CCR3: variants seen among roughly 807,000 people sequenced by gnomAD.
CCR3 encodes the protein C-C chemokine receptor type 3.
For synonymous variants in CCR3, 203 were observed against 179.2 expected, an observed-to-expected ratio of 1.13 and a Z score of -1.06; for missense variants, 419 against 437.5, an observed-to-expected ratio of 0.96 and a Z score of 0.38.
intron 2 of CCR3, among the ~76,000 whole-genome samples, chr3:46,222,162 A>G (rs1400998582): frequency 6.6e-6 from 1 of 152,212 alleles, no homozygotes; most frequent in Non-Finnish European, 1.5e-5. Context: ...GCAGTGAGAC[A>G]GAGGAAGCAG....
At chr3:46,243,786 A>C (rs1029487396) in intron 1 of CCR3, among the ~76,000 whole-genome samples, 12 of 152,226 alleles carry the variant, frequency 7.9e-5, no homozygotes, top group African/African-American at 2.9e-4. Flanking sequence ...AGAAAAAAGC[A>C]GATCTGTACA....
intron 1 of CCR3, among the ~76,000 whole-genome samples, chr3:46,242,988 T>C (rs1700117834): frequency 8.7e-6 from 1 of 115,032 alleles, no homozygotes. Flanking sequence ...TACACATATA[T>C]ATATATATAT....
At chr3:46,248,348 T>C (rs1198451404) in intron 1 of CCR3, among the ~76,000 whole-genome samples, 1 of 152,178 alleles carries the variant, frequency 6.6e-6, no homozygotes, top group African/African-American at 2.4e-5. Flanking sequence ...GAGCATAGTT[T>C]GTGATTTTTA....
chr3:46,261,414 G>A (rs964817223), intron 1 of CCR3, among the ~76,000 whole-genome samples: 2 of 152,152 alleles, frequency 1.3e-5, no homozygotes, highest in Admixed American at 6.5e-5. Flanking sequence ...AAGAATATAC[G>A]ACAAAGGTGA....
intron 1 of CCR3, among the ~76,000 whole-genome samples, chr3:46,255,716 G>A (rs993551082): frequency 3.3e-5 from 5 of 151,948 alleles, no homozygotes; most frequent in African/African-American, 1.2e-4. Flanking sequence ...AAGTATTTGG[G>A]TTTATTTCTG....
Position 46,265,651 on chromosome 3 carries a change from G to T in CCR3, c.493G>T (p.Ala165Ser). The change falls in exon 2 of 2, where the codon GCT becomes TCT. Residue 165 changes from alanine to serine, a missense_variant. Physicochemically the swap from Ala to Ser is moderately conservative, Grantham distance 99. Coordinates refer to ENST00000395940, the MANE Select transcript of CCR3 (RefSeq NM_178329.3). ...IVTWGLAVLAALPEFIFYETE... is the reference protein window; with the variant it reads ...IVTWGLAVLASLPEFIFYETE... ...CACCTGGGGCCTGGCAGTGCTAGCA[G>T]CTCTTCCTGAATTTATCTTCTATGA... The T allele has an allele frequency of 6.2e-7, 1 of 1,614,146 alleles. No homozygotes were observed. Among genetic ancestry groups the T allele is most frequent in the Non-Finnish European group, 8.5e-7 (1 of 1,180,022 alleles).
At chr3:46,216,896 A>G (rs1294166551) in intron 2 of CCR3, among the ~76,000 whole-genome samples, 1 of 152,212 alleles carries the variant, frequency 6.6e-6, no homozygotes, top group Non-Finnish European at 1.5e-5. Context: ...CCAAAATAGA[A>G]CCTACTTAAA....
At chr3:46,262,672 T>A (rs532621320) in intron 1 of CCR3, among the ~76,000 whole-genome samples, 38 of 152,226 alleles carry the variant, frequency 2.5e-4, no homozygotes, top group South Asian at 1.5e-3. Context: ...TTATTTATTT[T>A]TTGAGATGGA....
chr3:46,213,984 G>A (rs1235953784), intron 2 of CCR3, among the ~76,000 whole-genome samples: 1 of 152,174 alleles, frequency 6.6e-6, no homozygotes, highest in Non-Finnish European at 1.5e-5. Flanking sequence ...TTTGGTCCTA[G>A]TTAGATCCAG....
intron 2 of CCR3, among the ~76,000 whole-genome samples, chr3:46,219,007 C>G (rs13062523): frequency 0.16 from 25,033 of 151,946 alleles, 2,985 homozygotes; most frequent in African/African-American, 0.33. Flanking sequence ...GAAACAAAGG[C>G]CATCCAAATT....
intron 2 of CCR3, among the ~76,000 whole-genome samples, chr3:46,219,919 C>T (rs1305237011): frequency 1.3e-5 from 2 of 152,324 alleles, no homozygotes; most frequent in Admixed American, 6.5e-5. Context: ...CTCTCCTAGA[C>T]ATTGGCCTAA....
chr3:46,229,692 G>A (rs1278077348), intron 2 of CCR3, among the ~76,000 whole-genome samples: 2 of 152,078 alleles, frequency 1.3e-5, no homozygotes, highest in South Asian at 2.1e-4. Context: ...TCAAATCACG[G>A]ACATTAAATT....
chr3:46,265,802 T>C lies in CCR3; in HGVS notation c.644T>C (p.Met215Thr). The C allele has an allele frequency of 6.2e-7, 1 of 1,614,020 alleles. No homozygotes were observed. The highest frequency in any genetic ancestry group is 1.7e-5 in the Admixed American group (1 of 60,020). The stretch of plus-strand genomic sequence containing the variant: ...TGTCTCGTTCTCCCTCTGCTCGTTA[T>C]GGCCATCTGCTACACAGGAATCATC... Reference protein sequence around the residue: ...IFCLVLPLLVMAICYTGIIKT... With the variant: ...IFCLVLPLLVTAICYTGIIKT... Residue 215 changes from methionine (M) to threonine (T), a missense_variant, in exon 2 of 2, where the codon ATG (methionine) becomes ACG (threonine). Coordinates refer to ENST00000395940, the MANE Select transcript of CCR3 (RefSeq NM_178329.3).
chr3:46,250,512 G>A (rs1353622482), intron 1 of CCR3, among the ~76,000 whole-genome samples: 2 of 152,092 alleles, frequency 1.3e-5, no homozygotes, highest in Non-Finnish European at 2.9e-5. Flanking sequence ...TGGACATCAG[G>A]CACCTCAGAC....
At chr3:46,233,823 G>C (rs145190131) in intron 2 of CCR3, among the ~76,000 whole-genome samples, 2 of 152,188 alleles carry the variant, frequency 1.3e-5, no homozygotes, top group Non-Finnish European at 2.9e-5. Flanking sequence ...TTCTTCAGAC[G>C]GCAGTACCAT....
At chr3:46,212,422 G>A (rs1435707726) in intron 2 of CCR3, among the ~76,000 whole-genome samples, 1 of 152,090 alleles carries the variant, frequency 6.6e-6, no homozygotes. Flanking sequence ...ATGTAAGAGG[G>A]TCTTAGGCAG....
chr3:46,231,476 A>G (rs1304054431), intron 2 of CCR3, among the ~76,000 whole-genome samples: 1 of 152,238 alleles, frequency 6.6e-6, no homozygotes, highest in Non-Finnish European at 1.5e-5. Context: ...TTCAATATCT[A>G]TTATCTATCT....
intron 2 of CCR3, among the ~76,000 whole-genome samples, chr3:46,228,985 C>T (rs1699933002): frequency 2.6e-5 from 4 of 152,310 alleles, no homozygotes; most frequent in Admixed American, 2.0e-4. Context: ...CTTTCTTCTT[C>T]CTCTTTCTAG....
At chr3:46,258,323 A>G (rs1700465158) in intron 1 of CCR3, among the ~76,000 whole-genome samples, 3 of 152,364 alleles carry the variant, frequency 2.0e-5, no homozygotes, top group African/African-American at 7.2e-5. Context: ...TGCAACTAAC[A>G]TTATGCAACT....
Sources: allele counts gnomAD v4.1 joint callset (sites outside exome capture counted in the v4.1 genomes callset), GRCh38; gene constraint gnomAD v4.1.1; transcripts MANE v1.5; gene names NCBI Gene and HGNC (gene_info 2026-07-23, HGNC 2026-07-21).